Variants in UST observed in about 807,000 individuals in gnomAD.
UST encodes chondroitin sulfate 2-O-sulfotransferase.
Under a neutral mutation model 45.6 loss-of-function variants are expected in UST, and 21 were observed. That is an observed-to-expected ratio of 0.46 (90% CI 0.33 to 0.66). The LOEUF is 0.66. Among genes scored for constraint, UST ranks in the 30% least tolerant of loss-of-function variants. The pLI is 0.02. For missense variants in UST, 463 were observed against 512.4 expected, an observed-to-expected ratio of 0.90 and a Z score of 0.93; for synonymous variants, 215 against 200.6, an observed-to-expected ratio of 1.07 and a Z score of -0.61.
intron 1 of UST, among the ~76,000 whole-genome samples, chr6:148,877,589 AG>A (rs1778702897): frequency 1.9e-5 from 1 of 52,700 alleles, no homozygotes; most frequent in African/African-American, 8.8e-5. Context: ...TATGAGTGCG[AG>A]GGGTCGTGTA....
chr6:148,842,939 TAAATA>T, intron 1 of UST, among the ~76,000 whole-genome samples: 1 of 152,116 alleles, frequency 6.6e-6, no homozygotes, highest in Non-Finnish European at 1.5e-5. Context: ...AAATAGATAT[TAAATA>T]AAATAAAGAA....
chr6:148,764,473 C>T (rs948264030), intron 1 of UST, among the ~76,000 whole-genome samples: 6 of 152,110 alleles, frequency 3.9e-5, no homozygotes, highest in Non-Finnish European at 7.4e-5. Context: ...AATTTGGATG[C>T]CTTTTATTTC....
intron 1 of UST, among the ~76,000 whole-genome samples, chr6:148,753,724 C>T (rs571572758): frequency 6.6e-6 from 1 of 152,232 alleles, no homozygotes; most frequent in African/African-American, 2.4e-5. Flanking sequence ...TATGGTAACT[C>T]TAAGTTTAAG....
intron 1 of UST, among the ~76,000 whole-genome samples, chr6:148,856,497 T>G (rs1310508668): frequency 6.6e-6 from 1 of 152,034 alleles, no homozygotes; most frequent in Non-Finnish European, 1.5e-5. Context: ...CAGGTGATAG[T>G]GTATGGGCAG....
intron 7 of UST, among the ~76,000 whole-genome samples, chr6:149,023,124 GT>G: frequency 6.7e-6 from 1 of 150,042 alleles, no homozygotes; most frequent in Non-Finnish European, 1.5e-5. Flanking sequence ...GTGTGTGTGT[GT>G]GTGTGTGTGT....
chr6:149,056,579 C>G (rs1776569426), intron 7 of UST, among the ~76,000 whole-genome samples: 1 of 152,092 alleles, frequency 6.6e-6, no homozygotes, highest in African/African-American at 2.4e-5. Context: ...TAGAGTTTTG[C>G]CTGGTTAAAG....
chr6:148,806,170 C>A (rs1334866070), intron 1 of UST, among the ~76,000 whole-genome samples: 1 of 151,908 alleles, frequency 6.6e-6, no homozygotes, highest in Non-Finnish European at 1.5e-5. Flanking sequence ...TGAACCATGT[C>A]TATTCAAAGT....
chr6:148,790,493 G>A lies in UST; in HGVS notation c.247+42816G>A, dbSNP rs1225057158. Among the ~76,000 whole-genome samples the A allele has an allele frequency of 6.6e-6, 1 of 152,202 alleles. No individual in the cohort carries two copies. Among genetic ancestry groups the A allele is most frequent in the Non-Finnish European group, 1.5e-5 (1 of 68,028 alleles). On this transcript the variant is annotated intron_variant, in intron 1 of 7. Transcript: ENST00000367463. The surrounding 1 kb of genome is among the most constrained non-coding windows in gnomAD (Gnocchi z 4.2). ...TGGCGAATCTGATTTTGAAGTCCGT[G>A]CCCTGAATCACCTCCACGTCCCACC... is the stretch of plus-strand genomic sequence containing the variant.
intron 2 of UST, among the ~76,000 whole-genome samples, chr6:148,899,576 A>T (rs1779208614): frequency 6.6e-6 from 1 of 152,196 alleles, no homozygotes; most frequent in Non-Finnish European, 1.5e-5. Flanking sequence ...ATTTTCACCC[A>T]TCTAGTCTTT....
intron 1 of UST, among the ~76,000 whole-genome samples, chr6:148,806,342 C>T (rs1017854083): frequency 1.3e-5 from 2 of 152,106 alleles, no homozygotes; most frequent in Non-Finnish European, 2.9e-5. Context: ...CTTCCCTATG[C>T]CTTTCTTTGT....
At chr6:148,821,645 G>A (rs1314202402) in intron 1 of UST, among the ~76,000 whole-genome samples, 2 of 152,130 alleles carry the variant, frequency 1.3e-5, no homozygotes, top group Non-Finnish European at 2.9e-5. Context: ...ACCCATTTTA[G>A]CATCCGTTGA....
At chr6:148,927,764 T>C (rs1434113546) in intron 2 of UST, among the ~76,000 whole-genome samples, 1 of 152,204 alleles carries the variant, frequency 6.6e-6, no homozygotes, top group African/African-American at 2.4e-5. Flanking sequence ...ACTTGAGAGC[T>C]GCCAAGGATA....
intron 7 of UST, among the ~76,000 whole-genome samples, chr6:149,064,175 CA>C (rs1776698936): frequency 6.6e-6 from 1 of 152,160 alleles, no homozygotes; most frequent in South Asian, 2.1e-4. Flanking sequence ...TCTCTGCCCC[CA>C]TGGTGACAAG....
chr6:149,036,259 G>A (rs1444152975), intron 7 of UST, among the ~76,000 whole-genome samples: 1 of 152,208 alleles, frequency 6.6e-6, no homozygotes, highest in Non-Finnish European at 1.5e-5. Context: ...GGGACACCCA[G>A]TGGTACTCCA....
intron 1 of UST, among the ~76,000 whole-genome samples, chr6:148,763,973 A>C (rs1484453573): frequency 6.6e-6 from 1 of 152,154 alleles, no homozygotes; most frequent in East Asian, 1.9e-4. Context: ...TGCTTTGACT[A>C]TTCAGGGTCT....
chr6:148,820,935 A>T (rs113288824), intron 1 of UST, among the ~76,000 whole-genome samples: 20 of 148,476 alleles, frequency 1.3e-4, no homozygotes, highest in Non-Finnish European at 3.0e-5. Flanking sequence ...CATGTATTAC[A>T]TGTAATTGTC....
intron 1 of UST, among the ~76,000 whole-genome samples, chr6:148,835,754 T>C (rs1417246496): frequency 6.6e-6 from 1 of 152,208 alleles, no homozygotes; most frequent in Admixed American, 6.5e-5. Flanking sequence ...CATTTCTGAA[T>C]CCTAAGTATT....
chr6:148,872,903 G>T (rs570145643), intron 1 of UST, among the ~76,000 whole-genome samples: 1 of 152,218 alleles, frequency 6.6e-6, no homozygotes, highest in South Asian at 2.1e-4. Flanking sequence ...AGTAATCTAG[G>T]ATCTTCCAGC....
At chr6:149,028,448 C>G (rs1197141853) in intron 7 of UST, among the ~76,000 whole-genome samples, 1 of 152,102 alleles carries the variant, frequency 6.6e-6, no homozygotes, top group Non-Finnish European at 1.5e-5. Context: ...ACTGGAGGTT[C>G]TCTTTGTAAC....
Sources: gnomAD v4.1 joint callset for allele counts (sites outside exome capture counted in the v4.1 genomes callset) on GRCh38, gnomAD v4.1.1 for gene constraint, Gnocchi (gnomAD v3.1) non-coding constraint, MANE v1.5 for transcripts, NCBI Gene and HGNC (gene_info 2026-07-23, HGNC 2026-07-21) for gene names.